Variants in EBF1 observed in about 807,000 individuals in gnomAD.
EBF1 encodes the protein transcription factor COE1.
EBF1 carries 10 observed loss-of-function variants against 68.4 expected under a neutral mutation model. The observed-to-expected ratio is 0.15, with a 90% CI of 0.09 to 0.25. EBF1 has a LOEUF of 0.25. Ranked by LOEUF, EBF1 falls within the 10% of genes least tolerant of loss-of-function variation. The probability of loss-of-function intolerance (pLI) is 1.00; values close to 1 mark genes in which losing one functional copy is unlikely to be tolerated. For synonymous variants in EBF1, 298 were observed against 299.8 expected (o/e 0.99, Z 0.06); for missense variants, 509 against 794.4 (o/e 0.64, Z 4.32).
intron 4 of EBF1, among the ~76,000 whole-genome samples, chr5:159,095,194 C>T (rs1200947824): frequency 6.6e-6 from 1 of 152,170 alleles, no homozygotes; most frequent in Non-Finnish European, 1.5e-5. Flanking sequence ...GGGAAGCCGC[C>T]TCTGCCACCC....
intron 6 of EBF1, among the ~76,000 whole-genome samples, chr5:158,904,209 T>C (rs1400449200): frequency 6.6e-6 from 1 of 152,142 alleles, no homozygotes; most frequent in African/African-American, 2.4e-5. Flanking sequence ...TTTCCACATC[T>C]ATAAAACAGA....
intron 5 of EBF1, among the ~76,000 whole-genome samples, chr5:159,074,756 A>G (rs1018180867): frequency 1.2e-4 from 19 of 152,294 alleles, no homozygotes; most frequent in Admixed American, 3.3e-4. Flanking sequence ...TAAGAGTAAG[A>G]ACTGTATCTC....
chr5:158,775,925 T>TA (rs1175302515), intron 10 of EBF1, among the ~76,000 whole-genome samples: 7 of 152,198 alleles, frequency 4.6e-5, no homozygotes, highest in African/African-American at 9.6e-5. Context: ...CTTCAAAACT[T>TA]ACGCTGAACC....
chr5:158,786,347 G>C (rs1027797640), intron 9 of EBF1, among the ~76,000 whole-genome samples: 7 of 152,162 alleles, frequency 4.6e-5, no homozygotes, highest in Admixed American at 1.3e-4. Context: ...GGAGAAAAAA[G>C]ACTGAAGTAA....
chr5:158,986,356 T>C (rs1759071402), intron 6 of EBF1: 1 of 152,186 alleles, frequency 6.6e-6, no homozygotes, highest in South Asian at 2.1e-4. Flanking sequence ...GAGTCACTTC[T>C]ATCTCCTCCC....
intron 6 of EBF1, among the ~76,000 whole-genome samples, chr5:158,929,088 A>T (rs1173149786): frequency 6.6e-6 from 1 of 152,228 alleles, no homozygotes; most frequent in Admixed American, 6.5e-5. Flanking sequence ...TCTTTATGAC[A>T]TGAAGGGAAA....
Position 158,917,764 on chromosome 5 carries a change from C to T in EBF1, c.555-77654G>A, listed in dbSNP as rs547051297. Among the ~76,000 whole-genome samples, 240 of 152,282 alleles carry T rather than the reference C, an allele frequency of 1.6e-3. 2 individuals carry two copies. The highest frequency in any genetic ancestry group is 5.4e-3 in the African/African-American group (223 of 41,550). On this transcript the variant is annotated intron_variant, in intron 6 of 15. Coordinates refer to ENST00000313708, the MANE Select transcript of EBF1 (RefSeq NM_024007.5). ...AAAGTCACAGCGAGTCTGTGAATGA[C>T]GGGACATCCAGAAAAACTGATCTAG...
chr5:159,078,952 GA>G (rs569680298), intron 5 of EBF1, among the ~76,000 whole-genome samples: 353 of 152,280 alleles, frequency 2.3e-3, no homozygotes, highest in African/African-American at 8.3e-3. Flanking sequence ...TAGGGACATG[GA>G]ACTTTTTCCT....
chr5:158,978,234 G>A (rs1230139005), intron 6 of EBF1, among the ~76,000 whole-genome samples: 1 of 152,224 alleles, frequency 6.6e-6, no homozygotes, highest in African/African-American at 2.4e-5. Flanking sequence ...CCTGACCCCC[G>A]ACATGCGGCC....
intron 6 of EBF1, among the ~76,000 whole-genome samples, chr5:158,999,248 T>G (rs1762046926): frequency 6.6e-6 from 1 of 152,138 alleles, no homozygotes; most frequent in African/African-American, 2.4e-5. Context: ...CAATAGTTGT[T>G]CCAAGCAACG....
At chr5:159,039,241 A>T (rs1346511004) in intron 6 of EBF1, among the ~76,000 whole-genome samples, 2 of 152,230 alleles carry the variant, frequency 1.3e-5, no homozygotes, top group Non-Finnish European at 2.9e-5. Context: ...AATCTTTTAC[A>T]CTTTTGTATA....
At chr5:159,013,335 C>A (rs1765033217) in intron 6 of EBF1, among the ~76,000 whole-genome samples, 1 of 152,168 alleles carries the variant, frequency 6.6e-6, no homozygotes, top group South Asian at 2.1e-4. Context: ...AGGAGGCAGG[C>A]ATGAATCAAA....
intron 14 of EBF1, among the ~76,000 whole-genome samples, chr5:158,711,603 T>G (rs1759324718): frequency 6.6e-6 from 1 of 152,178 alleles, no homozygotes; most frequent in Non-Finnish European, 1.5e-5. Context: ...AAGACGAAAC[T>G]AATAGATGTT....
intron 6 of EBF1, among the ~76,000 whole-genome samples, chr5:158,924,935 G>A (rs1428787428): frequency 6.6e-6 from 1 of 151,024 alleles, no homozygotes; most frequent in Non-Finnish European, 1.5e-5. Flanking sequence ...CCTCTAAATG[G>A]TTTTTGCTGC....
intron 7 of EBF1, among the ~76,000 whole-genome samples, chr5:158,837,649 T>C (rs1789119959): frequency 6.6e-6 from 1 of 152,138 alleles, no homozygotes; most frequent in South Asian, 2.1e-4. Flanking sequence ...ACTAAATTGG[T>C]TTCTCATCTT....
chr5:158,823,091 A>G (rs1469380947), intron 8 of EBF1, 85 bp downstream of exon 8: 1 of 1,577,512 alleles, frequency 6.3e-7, no homozygotes, highest in Non-Finnish European at 8.7e-7. Flanking sequence ...GAAACAGAAT[A>G]GAACATGTGG....
chr5:159,015,765 G>A (rs534004197), intron 6 of EBF1, among the ~76,000 whole-genome samples: 4 of 152,276 alleles, frequency 2.6e-5, no homozygotes, highest in Non-Finnish European at 5.9e-5. Flanking sequence ...CCAACCACCT[G>A]GAGTTGTGCT....
intron 15 of EBF1, among the ~76,000 whole-genome samples, chr5:158,706,487 C>T (rs141030864): frequency 4.2e-4 from 64 of 152,292 alleles, no homozygotes; most frequent in African/African-American, 1.5e-3. Flanking sequence ...GGGACTAGTG[C>T]TGACATCATA....
chr5:158,829,831 A>G (rs1384365540), intron 7 of EBF1, among the ~76,000 whole-genome samples: 1 of 152,156 alleles, frequency 6.6e-6, no homozygotes, highest in Non-Finnish European at 1.5e-5. Context: ...GACTGTAATA[A>G]TGGGTGACAT....
Sources: allele counts gnomAD v4.1 joint callset (sites outside exome capture counted in the v4.1 genomes callset), GRCh38; gene constraint gnomAD v4.1.1; transcripts MANE v1.5; gene names NCBI Gene and HGNC (gene_info 2026-07-23, HGNC 2026-07-21).